Variants in SLC9A7 observed in about 807,000 individuals in gnomAD.
The protein encoded by SLC9A7 is sodium/hydrogen exchanger 7.
A neutral mutation model predicts 52.6 loss-of-function variants in SLC9A7; 19 were observed. That is an observed-to-expected ratio of 0.36 (90% confidence interval 0.25 to 0.53). The LOEUF is 0.53. SLC9A7 is among the 20% of genes least tolerant of loss of function. The pLI is 0.91. For missense variants in SLC9A7, 455 were observed against 597.9 expected (o/e 0.76, Z 2.49); for synonymous variants, 226 against 252.1 (o/e 0.90, Z 0.98).
intron 1 of SLC9A7, among the ~76,000 whole-genome samples, chrX:46,742,679 A>C (rs1921444254): frequency 8.9e-6 from 1 of 112,267 alleles, no homozygotes; most frequent in African/African-American, 3.2e-5. Flanking sequence ...ATATCTATCT[A>C]TCTATATGTT....
chrX:46,730,587 G>C (rs1424364157), intron 1 of SLC9A7, among the ~76,000 whole-genome samples: 1 of 98,922 alleles, frequency 1.0e-5, no homozygotes, highest in African/African-American at 3.6e-5. Context: ...TTGAGCCCAG[G>C]AGGTCAAGGC....
intron 1 of SLC9A7, among the ~76,000 whole-genome samples, chrX:46,728,766 A>G (rs957410282): frequency 1.4e-4 from 16 of 112,796 alleles, no homozygotes; most frequent in Non-Finnish European, 2.1e-4. Context: ...TGAATATATA[A>G]GTAAACTGTG....
chrX:46,645,077 G>C (rs1344070023), intron 11 of SLC9A7, among the ~76,000 whole-genome samples: 1 of 111,917 alleles, frequency 8.9e-6, no homozygotes, highest in African/African-American at 3.2e-5. Flanking sequence ...TGAAACCTCA[G>C]GTATTTCATA....
chrX:46,705,907 T>A (rs916943953), intron 1 of SLC9A7, among the ~76,000 whole-genome samples: 2 of 110,815 alleles, frequency 1.8e-5, no homozygotes, highest in African/African-American at 6.6e-5. Context: ...GAAGTGCTGG[T>A]TATAGTTCAG....
chrX:46,664,349 T>G (rs1392905035), intron 5 of SLC9A7, among the ~76,000 whole-genome samples: 2 of 111,729 alleles, frequency 1.8e-5, no homozygotes, highest in Admixed American at 1.9e-4. Context: ...GTGTAGTATT[T>G]TTTATGATTG....
chrX:46,657,515 A>G (rs1419287699), intron 7 of SLC9A7, among the ~76,000 whole-genome samples: 3 of 109,242 alleles, frequency 2.7e-5, no homozygotes, highest in African/African-American at 1.0e-4. Context: ...TCAAAATAAA[A>G]GGATGGAGGA....
intron 1 of SLC9A7, among the ~76,000 whole-genome samples, chrX:46,705,789 T>C (rs1173227459): frequency 8.9e-6 from 1 of 111,850 alleles, no homozygotes; most frequent in African/African-American, 3.3e-5. Flanking sequence ...TGAATCATGA[T>C]TGGGTCACTG....
At chrX:46,623,416 A>G (rs1476734452) in intron 14 of SLC9A7, among the ~76,000 whole-genome samples, 1 of 111,453 alleles carries the variant, frequency 9.0e-6, no homozygotes, top group Non-Finnish European at 1.9e-5. Flanking sequence ...TAGGGCCTGG[A>G]GCATTCTTTT....
intron 5 of SLC9A7, among the ~76,000 whole-genome samples, chrX:46,664,196 C>G (rs1179170961): frequency 9.0e-6 from 1 of 110,941 alleles, no homozygotes; most frequent in Non-Finnish European, 1.9e-5. Flanking sequence ...TAAAAACCCA[C>G]TTTCCCAGCT....
At chrX:46,703,864 T>A (rs1440451258) in intron 1 of SLC9A7, among the ~76,000 whole-genome samples, 1 of 111,964 alleles carries the variant, frequency 8.9e-6, no homozygotes, top group African/African-American at 3.2e-5. Context: ...CATAATTCCG[T>A]GGAAGGGCAT....
intron 2 of SLC9A7, among the ~76,000 whole-genome samples, chrX:46,680,523 A>C (rs1348321626): frequency 9.0e-5 from 10 of 111,221 alleles, no homozygotes; most frequent in Admixed American, 4.8e-4. Flanking sequence ...GTGACACTTG[A>C]TGTAGCCTAA....
intron 1 of SLC9A7, among the ~76,000 whole-genome samples, chrX:46,729,762 G>C (rs1944999244): frequency 9.0e-6 from 1 of 110,570 alleles, no homozygotes; most frequent in Non-Finnish European, 1.9e-5. Context: ...GACAGAGCGA[G>C]ACTCCATCAA....
At chrX:46,614,313 C>G (rs1251384702) in intron 15 of SLC9A7, among the ~76,000 whole-genome samples, 2 of 112,173 alleles carry the variant, frequency 1.8e-5, no homozygotes, top group Non-Finnish European at 3.8e-5. Flanking sequence ...AGTTGGGCAA[C>G]ATCATCTAAC....
intron 1 of SLC9A7, among the ~76,000 whole-genome samples, chrX:46,704,432 A>G (rs1353424151): frequency 8.9e-6 from 1 of 112,255 alleles, no homozygotes; most frequent in African/African-American, 3.2e-5. Flanking sequence ...CCTGCAATTT[A>G]TGTCTAAGTT....
Position 46,758,771 on chromosome X carries a change from T to C in SLC9A7, c.259A>G (p.Thr87Ala). The C allele has an allele frequency of 8.3e-7, 1 of 1,202,244 alleles. No homozygotes were observed. Among genetic ancestry groups the C allele is most frequent in the Non-Finnish European group, 1.1e-6 (1 of 890,846 alleles). The change falls in exon 1 of 17, where the codon ACC becomes GCC. Residue 87 changes from threonine (T) to alanine (A), a missense_variant. Around this residue, in one of 3 missense-constraint regions of SLC9A7, gnomAD observed 304 missense variants for 417.8 expected, o/e 0.73. Transcript: ENST00000616978. ...FILLLTLTIL[T>A]IWLFKHRRVR... ...CGGCGGTGCTTGAAGAGCCAGATGGTGAGGATGGTGAGCGTGAGCAGCAGG... is the reference window on the plus strand; with the variant it reads ...CGGCGGTGCTTGAAGAGCCAGATGGCGAGGATGGTGAGCGTGAGCAGCAGG...
At chrX:46,697,901 T>C (rs1325634125) in intron 1 of SLC9A7, among the ~76,000 whole-genome samples, 2 of 111,734 alleles carry the variant, frequency 1.8e-5, no homozygotes, top group African/African-American at 3.3e-5. Context: ...AATGTGCACC[T>C]GGGGGTGGGT....
chrX:46,671,715 T>C (rs1404591727), intron 4 of SLC9A7, among the ~76,000 whole-genome samples: 1 of 111,974 alleles, frequency 8.9e-6, no homozygotes, highest in African/African-American at 3.2e-5. Flanking sequence ...ACCAGAGAGG[T>C]AGAGTATCCT....
At chrX:46,643,520 AAAG>A (rs1943440267) in intron 11 of SLC9A7, 131 bp from the exon 12 acceptor site, 1 of 619,751 alleles carries the variant, frequency 1.6e-6, no homozygotes, top group East Asian at 3.6e-5. Flanking sequence ...TTTTACTCAG[AAAG>A]AAGAACCTTA....
Position 46,606,975 on chromosome X carries a change from A to G in SLC9A7, c.2158T>C (p.Phe720Leu), listed in dbSNP as rs745679922. The change falls in exon 17 of 17, where the codon TTT (phenylalanine) becomes CTT (leucine). Residue 720 changes from phenylalanine to leucine, a missense_variant. Transcript: ENST00000616978. ...KVSSRGTRLVFPLEDNA is the reference protein window; with the variant it reads ...KVSSRGTRLVLPLEDNA The stretch of plus-strand genomic sequence containing the variant: ...AGTCAAGCATTATCTTCCAGGGGAA[A>G]CACTAGGCGGGTGCCCCGGCTCGAA... The G allele has an allele frequency of 2.0e-5, 24 of 1,209,350 alleles. No homozygotes were observed. The highest frequency in any genetic ancestry group is 2.5e-5 in the Non-Finnish European group (22 of 895,095).
Sources: allele counts gnomAD v4.1 joint callset (sites outside exome capture counted in the v4.1 genomes callset), GRCh38; gene constraint gnomAD v4.1.1; regional missense constraint gnomAD v4.1.1; transcripts MANE v1.5; gene names NCBI Gene and HGNC (gene_info 2026-07-23, HGNC 2026-07-21).